ADORA2B: variants seen among roughly 807,000 people sequenced by gnomAD.
ADORA2B encodes adenosine A2b receptor.
A neutral mutation model predicts 20.8 loss-of-function variants in ADORA2B; 18 were observed. That is an observed-to-expected ratio of 0.87 (90% CI 0.60 to 1.29). The LOEUF is 1.29. Ranked by LOEUF, ADORA2B falls within the 50% of genes most tolerant of loss-of-function variation. The pLI is 0.00. For missense variants in ADORA2B, 441 were observed against 422.7 expected (o/e 1.04, Z -0.38); for synonymous variants, 179 against 178.3 (o/e 1.00, Z -0.03).
At chr17:15,952,245 T>TG (rs1395619443) in intron 1 of ADORA2B, among the ~76,000 whole-genome samples, 1 of 152,118 alleles carries the variant, frequency 6.6e-6, no homozygotes, top group Non-Finnish European at 1.5e-5. Context: ...GGGACAGATA[T>TG]GGGGAAGTGT....
the ADORA2B span, among the ~76,000 whole-genome samples, chr17:15,932,951 ATT>A: frequency 5.9e-5 from 8 of 135,958 alleles, no homozygotes; most frequent in East Asian, 4.2e-4. Flanking sequence ...TAGTCCTTCA[ATT>A]TTTTTTTTTT....
the ADORA2B span, among the ~76,000 whole-genome samples, chr17:15,906,564 C>T: frequency 1.8e-4 from 27 of 152,082 alleles, no homozygotes; most frequent in Non-Finnish European, 4.4e-5. Context: ...CTATAGTTTT[C>T]TTGTAATGTC....
chr17:15,908,374 T>C, the ADORA2B span, among the ~76,000 whole-genome samples: 1 of 152,234 alleles, frequency 6.6e-6, no homozygotes, highest in Non-Finnish European at 1.5e-5. Context: ...AAAAGTCTTT[T>C]CTTTTAACTC....
At chr17:15,907,811 T>C in the ADORA2B span, among the ~76,000 whole-genome samples, 16 of 152,246 alleles carry the variant, frequency 1.1e-4, no homozygotes, top group East Asian at 1.9e-4. Context: ...AAGAAAATAC[T>C]GCACAAAGAT....
At chr17:15,949,857 A>G (rs984337792) in intron 1 of ADORA2B, among the ~76,000 whole-genome samples, 4 of 152,140 alleles carry the variant, frequency 2.6e-5, no homozygotes, top group Non-Finnish European at 5.9e-5. Flanking sequence ...TGTCTCAAAA[A>G]AAATAAAAAA....
At chr17:15,913,247 C>T in the ADORA2B span, among the ~76,000 whole-genome samples, 2 of 152,212 alleles carry the variant, frequency 1.3e-5, no homozygotes, top group African/African-American at 4.8e-5. Context: ...GGAAGCAGAG[C>T]TGTGTATTTA....
chr17:15,883,633 G>A, the ADORA2B span, among the ~76,000 whole-genome samples: 2 of 152,176 alleles, frequency 1.3e-5, no homozygotes, highest in South Asian at 2.1e-4. Flanking sequence ...AAAGAAGCCC[G>A]TCATCAAAGG....
the ADORA2B span, among the ~76,000 whole-genome samples, chr17:15,879,065 TATAA>T: frequency 6.6e-6 from 1 of 152,232 alleles, no homozygotes; most frequent in Non-Finnish European, 1.5e-5. Context: ...TTGCTTTAAG[TATAA>T]ATAAAGTTTT....
chr17:15,882,779 G>A, the ADORA2B span, among the ~76,000 whole-genome samples: 1 of 149,540 alleles, frequency 6.7e-6, no homozygotes, highest in Non-Finnish European at 1.5e-5. Flanking sequence ...TCCTTCTGGA[G>A]ACTGAGGGTG....
chr17:15,905,244 A>G, the ADORA2B span, among the ~76,000 whole-genome samples: 3 of 146,492 alleles, frequency 2.0e-5, no homozygotes, highest in Admixed American at 6.9e-5. Context: ...GATCCTGCAC[A>G]TATTTTGTTA....
At chr17:15,879,864 ACT>A in the ADORA2B span, among the ~76,000 whole-genome samples, 1 of 146,758 alleles carries the variant, frequency 6.8e-6, no homozygotes, top group South Asian at 2.1e-4. Flanking sequence ...TGGTTATAAG[ACT>A]CTGACTCTCC....
the ADORA2B span, among the ~76,000 whole-genome samples, chr17:15,921,886 A>G: frequency 6.6e-6 from 1 of 152,180 alleles, no homozygotes; most frequent in Non-Finnish European, 1.5e-5. Flanking sequence ...AGGAGACAGA[A>G]TAAAGTTTAT....
chr17:15,927,266 G>A, the ADORA2B span, among the ~76,000 whole-genome samples: 3,925 of 152,196 alleles, frequency 0.026, 181 homozygotes, highest in African/African-American at 0.09. Flanking sequence ...GGCAGATCAC[G>A]AGGTCAGGAG....
chr17:15,951,298 A>G (rs1181465482), intron 1 of ADORA2B, among the ~76,000 whole-genome samples: 1 of 152,244 alleles, frequency 6.6e-6, no homozygotes, highest in Non-Finnish European at 1.5e-5. Context: ...GGCAGCCAGC[A>G]GGGGCTGTGG....
At chr17:15,855,842 C>T in the ADORA2B span, among the ~76,000 whole-genome samples, 1 of 151,914 alleles carries the variant, frequency 6.6e-6, no homozygotes, top group Non-Finnish European at 1.5e-5. Flanking sequence ...ACCTTTGCCC[C>T]CCTCCCCATT....
At chr17:15,898,866 T>G in the ADORA2B span, among the ~76,000 whole-genome samples, 1 of 152,186 alleles carries the variant, frequency 6.6e-6, no homozygotes, top group African/African-American at 2.4e-5. Context: ...TTAACCAGCT[T>G]ATTCCAACAA....
chr17:15,919,519 T>G, the ADORA2B span, among the ~76,000 whole-genome samples: 1 of 152,168 alleles, frequency 6.6e-6, no homozygotes, highest in Non-Finnish European at 1.5e-5. Context: ...GGGTGTCATT[T>G]TGGGGTGAAT....
chr17:15,909,181 G>A, the ADORA2B span, among the ~76,000 whole-genome samples: 1 of 135,276 alleles, frequency 7.4e-6, no homozygotes, highest in Non-Finnish European at 1.5e-5. Flanking sequence ...GCAACAGAGC[G>A]AGACTACGTC....
At chr17:15,873,813 A>T in the ADORA2B span, among the ~76,000 whole-genome samples, 5 of 152,116 alleles carry the variant, frequency 3.3e-5, no homozygotes, top group African/African-American at 1.2e-4. Context: ...AATTAATACA[A>T]CCTCTTTGGA....
Sources: gnomAD v4.1 joint callset for allele counts (sites outside exome capture counted in the v4.1 genomes callset) on GRCh38, gnomAD v4.1.1 for gene constraint, MANE v1.5 for transcripts, NCBI Gene and HGNC (gene_info 2026-07-23, HGNC 2026-07-21) for gene names.